Variants in SYNPO2 observed in about 807,000 individuals in gnomAD.
SYNPO2 encodes synaptopodin-2.
A neutral mutation model predicts 85.0 loss-of-function variants in SYNPO2; 56 were observed. The ratio of observed to expected loss-of-function variants is 0.66; its 90% CI spans 0.53 to 0.82. The LOEUF is 0.82. Ranked by LOEUF, SYNPO2 falls within the 40% of genes least tolerant of loss-of-function variation. The pLI, the probability that SYNPO2 is intolerant of heterozygous loss-of-function variation, is 0.00. For missense variants in SYNPO2, 1,575 were observed against 1,534.2 expected (o/e 1.03, Z -0.44); for synonymous variants, 602 against 591.1 (o/e 1.02, Z -0.27).
At position 119,031,870 on chromosome 4, in the gene SYNPO2, C is replaced by G. The variant is rs1469100467; in HGVS notation, c.3095C>G (p.Ser1032Cys). The change falls in exon 4 of 5, where the codon TCT (serine) becomes TGT (cysteine). Residue 1032 changes from serine to cysteine, a missense_variant. Transcript: ENST00000307142. ...GTGTACTCGGTACCAGCCTATACCTCTCCTCCTTCCTTCTTTGCAGAGGCC... is the reference window on the plus strand; with the variant it reads ...GTGTACTCGGTACCAGCCTATACCTGTCCTCCTTCCTTCTTTGCAGAGGCC... ...SSVYSVPAYT[S>C]PPSFFAEASS... The G allele has an allele frequency of 6.2e-7, 1 of 1,614,130 alleles. No individual in the cohort carries two copies. The highest frequency in any genetic ancestry group is 8.5e-7 in the Non-Finnish European group (1 of 1,180,052).
At chr4:118,884,067 A>G (rs970326254), upstream of SYNPO2, among the ~76,000 whole-genome samples, 1 of 152,230 alleles carries the variant, frequency 6.6e-6, no homozygotes, top group African/African-American at 2.4e-5. Flanking sequence ...GAGGGTTTGT[A>G]TCACAGCTAG....
chr4:119,030,877 A>G lies in SYNPO2; in HGVS notation c.2102A>G (p.Glu701Gly), dbSNP rs1738211486. The change falls in exon 4 of 5, where the codon GAG (glutamate) becomes GGG (glycine). Residue 701 changes from glutamate to glycine, a missense_variant. Glu to Gly is a moderately conservative substitution (Grantham distance 98). This residue lies in a region of SYNPO2 where 1,508 missense variants were observed against 1,446.8 expected (regional missense o/e 1.04). Coordinates refer to ENST00000307142, the MANE Select transcript of SYNPO2 (RefSeq NM_133477.3). ...STTKPMFTFK[E>G]PKVSPNPELL... ...ACAAAACCCATGTTTACTTTTAAAG[A>G]GCCCAAAGTAAGCCCAAATCCTGAA... is the stretch of plus-strand genomic sequence containing the variant. The G allele has an allele frequency of 6.2e-7, 1 of 1,614,228 alleles. No individual in the cohort carries two copies.
intron 1 of SYNPO2, among the ~76,000 whole-genome samples, chr4:118,962,861 C>T (rs1578589470): frequency 6.6e-6 from 1 of 152,122 alleles, no homozygotes; most frequent in African/African-American, 2.4e-5. Flanking sequence ...TAATCTTGGC[C>T]TTGGGGAATG....
At chr4:118,952,060 A>T (rs1443555921) in intron 1 of SYNPO2, among the ~76,000 whole-genome samples, 1 of 152,196 alleles carries the variant, frequency 6.6e-6, no homozygotes, top group Non-Finnish European at 1.5e-5. Context: ...AGGCAAGACA[A>T]TTATCCTCTG....
intron 1 of SYNPO2, among the ~76,000 whole-genome samples, chr4:118,966,979 G>A (rs1735338885): frequency 6.6e-6 from 1 of 152,094 alleles, no homozygotes; most frequent in Non-Finnish European, 1.5e-5. Context: ...TCTTTATCCA[G>A]TTACTTAAAA....
intron 1 of SYNPO2, among the ~76,000 whole-genome samples, chr4:119,002,573 T>C (rs773445785): frequency 3.3e-5 from 5 of 152,194 alleles, no homozygotes; most frequent in Non-Finnish European, 7.3e-5. Flanking sequence ...TAGCCATCTT[T>C]CCTGGAGTCT....
chr4:119,021,518 T>C (rs1441022246), intron 1 of SYNPO2, among the ~76,000 whole-genome samples: 1 of 152,168 alleles, frequency 6.6e-6, no homozygotes, highest in Admixed American at 6.6e-5. Context: ...AAAGTATTCT[T>C]AAATTTGAGA....
chr4:118,919,186 A>T (rs967994279), intron 1 of SYNPO2, among the ~76,000 whole-genome samples: 3 of 152,120 alleles, frequency 2.0e-5, no homozygotes, highest in African/African-American at 7.2e-5. Flanking sequence ...TATGAGGGAG[A>T]GCAAATATTA....
chr4:118,866,744 TC>T (rs1396285550), intron 1 of SYNPO2, among the ~76,000 whole-genome samples: 3 of 152,122 alleles, frequency 2.0e-5, no homozygotes, highest in African/African-American at 7.2e-5. Flanking sequence ...CCCCCTTCAC[TC>T]TTTCTCTCTC....
At chr4:118,971,903 A>T (rs1735554364) in intron 1 of SYNPO2, among the ~76,000 whole-genome samples, 1 of 152,204 alleles carries the variant, frequency 6.6e-6, no homozygotes, top group Non-Finnish European at 1.5e-5. Flanking sequence ...CTTTTGAGAA[A>T]GTGTAAGAAG....
chr4:118,872,769 C>T (rs1043812589), intron 1 of SYNPO2, among the ~76,000 whole-genome samples: 5 of 152,068 alleles, frequency 3.3e-5, no homozygotes, highest in African/African-American at 1.2e-4. Context: ...CTGGATCATA[C>T]CCCTTTTTCT....
At chr4:118,976,492 G>C (rs1032356345) in intron 1 of SYNPO2, among the ~76,000 whole-genome samples, 31 of 152,284 alleles carry the variant, frequency 2.0e-4, no homozygotes, top group Middle Eastern at 3.4e-3. Context: ...ATGCTGGCTA[G>C]GGCAGCCTGC....
At chr4:118,864,665 C>T (rs1275174114) in intron 1 of SYNPO2, among the ~76,000 whole-genome samples, 1 of 152,204 alleles carries the variant, frequency 6.6e-6, no homozygotes, top group Non-Finnish European at 1.5e-5. Context: ...TTTTAGCCTC[C>T]TGCTGAATTT....
At chr4:118,947,555 C>T (rs1001026748) in intron 1 of SYNPO2, among the ~76,000 whole-genome samples, 6 of 152,168 alleles carry the variant, frequency 3.9e-5, no homozygotes, top group Non-Finnish European at 5.9e-5. Flanking sequence ...GCTGTTTAAC[C>T]TCTGTCATCT....
chr4:118,955,210 G>A (rs1014628819), intron 1 of SYNPO2, among the ~76,000 whole-genome samples: 6 of 152,078 alleles, frequency 3.9e-5, no homozygotes, highest in Admixed American at 3.3e-4. Context: ...ATGTTGGCCA[G>A]GCTGGTCTCA....
intron 1 of SYNPO2, among the ~76,000 whole-genome samples, chr4:118,957,741 C>T (rs535166680): frequency 6.6e-6 from 1 of 152,232 alleles, no homozygotes; most frequent in Non-Finnish European, 1.5e-5. Context: ...GCTCTTCCAT[C>T]TCCACTAATA....
chr4:118,992,617 G>T (rs1736455501), intron 1 of SYNPO2, among the ~76,000 whole-genome samples: 1 of 152,146 alleles, frequency 6.6e-6, no homozygotes, highest in Admixed American at 6.5e-5. Flanking sequence ...CAAGGTCCTT[G>T]GTTCACACCA....
intron 2 of SYNPO2, among the ~76,000 whole-genome samples, chr4:119,023,984 A>G (rs1229383144): frequency 6.6e-6 from 1 of 152,210 alleles, no homozygotes; most frequent in Non-Finnish European, 1.5e-5. Flanking sequence ...TAAACTGTAC[A>G]ATTTTTCATT....
intron 1 of SYNPO2, among the ~76,000 whole-genome samples, chr4:118,856,570 G>A (rs1275537780): frequency 1.3e-5 from 2 of 151,578 alleles, no homozygotes; most frequent in Admixed American, 6.6e-5. Context: ...ACAGGGTCTC[G>A]CTCTGTTGCC....
Sources: allele counts gnomAD v4.1 joint callset (sites outside exome capture counted in the v4.1 genomes callset), GRCh38; gene constraint gnomAD v4.1.1; regional missense constraint gnomAD v4.1.1; transcripts MANE v1.5; gene names NCBI Gene and HGNC (gene_info 2026-07-23, HGNC 2026-07-21).